The following EBF1 variants were observed in gnomAD, a reference collection of about 807,000 sequenced individuals.
The protein encoded by EBF1 is EBF transcription factor 1.
Under a neutral mutation model 68.4 loss-of-function variants are expected in EBF1, and 10 were observed. That is an observed-to-expected ratio of 0.15 (90% confidence interval 0.09 to 0.25). EBF1 has a LOEUF of 0.25. Among genes scored for constraint, EBF1 ranks in the 10% least tolerant of loss-of-function variants. The pLI is 1.00. For missense variants in EBF1, 509 were observed against 794.4 expected (o/e 0.64, Z 4.32); for synonymous variants, 298 against 299.8 (o/e 0.99, Z 0.06).
intron 8 of EBF1, among the ~76,000 whole-genome samples, chr5:158,799,905 T>C (rs1255207737): frequency 1.3e-5 from 2 of 152,148 alleles, no homozygotes; most frequent in Non-Finnish European, 2.9e-5. Context: ...TTTTAATGCG[T>C]AGGCCAAACA....
chr5:158,880,057 C>T (rs1274780244), intron 6 of EBF1, among the ~76,000 whole-genome samples: 1 of 152,218 alleles, frequency 6.6e-6, no homozygotes, highest in African/African-American at 2.4e-5. Context: ...GAAGCCCAGC[C>T]AGCACAAGAA....
chr5:158,896,714 C>G (rs921136720), intron 6 of EBF1, among the ~76,000 whole-genome samples: 5 of 152,170 alleles, frequency 3.3e-5, no homozygotes, highest in African/African-American at 1.2e-4. Flanking sequence ...CAGGATCTCA[C>G]CATCTTCTTT....
At chr5:158,973,096 T>C (rs1008587767) in intron 6 of EBF1, among the ~76,000 whole-genome samples, 10 of 152,226 alleles carry the variant, frequency 6.6e-5, no homozygotes, top group African/African-American at 2.4e-4. Flanking sequence ...ACTGGATATT[T>C]TACTGGTTTG....
At chr5:158,980,483 C>T (rs972384320) in intron 6 of EBF1, among the ~76,000 whole-genome samples, 5 of 152,084 alleles carry the variant, frequency 3.3e-5, no homozygotes, top group Admixed American at 1.3e-4. Context: ...GTCTCCATGG[C>T]GTGAACAGGA....
chr5:158,769,797 G>T (rs941334066), intron 10 of EBF1, among the ~76,000 whole-genome samples: 23 of 151,984 alleles, frequency 1.5e-4, no homozygotes, highest in African/African-American at 5.3e-4. Context: ...CACTCCCTCT[G>T]CCTTGAATTC....
rs78493283 is a variant in EBF1 at position 158,872,729 on chromosome 5, T to C, written c.555-32619A>G. Among the ~76,000 whole-genome samples, 631 of 152,324 alleles carry C rather than the reference T, an allele frequency of 4.1e-3. 3 individuals carry two copies. Among genetic ancestry groups the C allele is most frequent in the African/African-American group, 0.015 (610 of 41,584 alleles). ...ACTGGTAGATGAAACAATGATCTTA[T>C]TTCATCTTCAATCATGCTTCACTTT... is the stretch of plus-strand genomic sequence containing the variant. On this transcript the variant is annotated intron_variant, in intron 6 of 15. Transcript: ENST00000313708.
chr5:158,792,857 G>A (rs957704799), intron 9 of EBF1, among the ~76,000 whole-genome samples: 7 of 152,092 alleles, frequency 4.6e-5, no homozygotes, highest in African/African-American at 1.4e-4. Flanking sequence ...AAGATGAAGG[G>A]AAGCCCTCTT....
At chr5:158,734,702 G>T (rs897782037) in intron 10 of EBF1, among the ~76,000 whole-genome samples, 2 of 151,928 alleles carry the variant, frequency 1.3e-5, no homozygotes, top group Non-Finnish European at 2.9e-5. Context: ...CCTCAAACTT[G>T]GGACAATTCC....
At chr5:158,987,761 G>A (rs78125533) in intron 6 of EBF1, among the ~76,000 whole-genome samples, 2,771 of 152,246 alleles carry the variant, frequency 0.018, 88 homozygotes, top group African/African-American at 0.063. Context: ...CTCTTCTGAA[G>A]TAACATAAAT....
intron 10 of EBF1, among the ~76,000 whole-genome samples, chr5:158,745,734 G>A (rs1233514110): frequency 6.6e-6 from 1 of 152,198 alleles, no homozygotes; most frequent in Non-Finnish European, 1.5e-5. Context: ...TAAAGAGGGA[G>A]GGTGGGGGTT....
intron 7 of EBF1, among the ~76,000 whole-genome samples, chr5:158,832,090 G>A (rs967014140): frequency 1.3e-5 from 2 of 152,168 alleles, no homozygotes; most frequent in Non-Finnish European, 2.9e-5. Context: ...ACCTTTTGCT[G>A]GTAAATCCCA....
chr5:158,816,085 G>T (rs1190798049), intron 8 of EBF1, among the ~76,000 whole-genome samples: 1 of 152,184 alleles, frequency 6.6e-6, no homozygotes, highest in Admixed American at 6.5e-5. Flanking sequence ...CTTAGCCTGG[G>T]CCCTTCACCA....
chr5:158,935,445 T>C, intron 6 of EBF1, among the ~76,000 whole-genome samples: 1 of 152,158 alleles, frequency 6.6e-6, no homozygotes, highest in African/African-American at 2.4e-5. Flanking sequence ...CAGATTAGCA[T>C]AAGTGAACTG....
intron 10 of EBF1, among the ~76,000 whole-genome samples, chr5:158,752,643 G>A (rs1487538776): frequency 2.0e-5 from 3 of 152,062 alleles, no homozygotes; most frequent in Non-Finnish European, 4.4e-5. Flanking sequence ...TTTAGATACT[G>A]TCCATTGTTT....
intron 6 of EBF1, among the ~76,000 whole-genome samples, chr5:159,059,514 G>A (rs1233810839): frequency 6.6e-6 from 1 of 152,154 alleles, no homozygotes; most frequent in Non-Finnish European, 1.5e-5. Flanking sequence ...ACACCACAAC[G>A]CTAACTCTGC....
At chr5:158,954,724 G>A (rs960920646) in intron 6 of EBF1, among the ~76,000 whole-genome samples, 8 of 152,184 alleles carry the variant, frequency 5.3e-5, no homozygotes, top group African/African-American at 7.2e-5. Context: ...CTCTGCCCAA[G>A]ATGCTAAGAT....
intron 6 of EBF1, among the ~76,000 whole-genome samples, chr5:158,862,766 A>G (rs934458290): frequency 1.3e-5 from 2 of 152,220 alleles, no homozygotes; most frequent in African/African-American, 2.4e-5. Flanking sequence ...AGTGGACACC[A>G]TATTGTGAAC....
At chr5:158,884,040 T>C (rs1799500213) in intron 6 of EBF1, among the ~76,000 whole-genome samples, 1 of 152,206 alleles carries the variant, frequency 6.6e-6, no homozygotes, top group Admixed American at 6.5e-5. Flanking sequence ...AGTATGAACC[T>C]GTTACAGCAG....
chr5:158,982,617 C>T (rs1187878400), intron 6 of EBF1, among the ~76,000 whole-genome samples: 11 of 152,068 alleles, frequency 7.2e-5, no homozygotes, highest in Admixed American at 7.2e-4. Flanking sequence ...GTTGACAAGG[C>T]ATTCACAGTC....
Sources: gnomAD v4.1 joint callset for allele counts (sites outside exome capture counted in the v4.1 genomes callset) on GRCh38, gnomAD v4.1.1 for gene constraint, MANE v1.5 for transcripts, NCBI Gene and HGNC (gene_info 2026-07-23, HGNC 2026-07-21) for gene names.